Variants in LOC128125817 observed in about 807,000 individuals in gnomAD.
At chr1:41,591,870 A>G in the LOC128125817 span, among the ~76,000 whole-genome samples, 1 of 152,090 alleles carries the variant, frequency 6.6e-6, no homozygotes, top group Non-Finnish European at 1.5e-5. Flanking sequence ...TGACTCCCAG[A>G]GAAGAGGCAT....
the LOC128125817 span, among the ~76,000 whole-genome samples, chr1:41,590,299 T>C: frequency 5.8e-4 from 88 of 152,218 alleles, no homozygotes; most frequent in Middle Eastern, 3.2e-3. Flanking sequence ...ATTTCTTCCA[T>C]TAGCCAGTTC....
At chr1:41,624,759 C>T in the LOC128125817 span, among the ~76,000 whole-genome samples, 5 of 152,174 alleles carry the variant, frequency 3.3e-5, no homozygotes, top group Non-Finnish European at 2.9e-5. Flanking sequence ...AACCAGAATT[C>T]CCTTCTACTC....
At chr1:41,628,277 A>G in the LOC128125817 span, among the ~76,000 whole-genome samples, 8 of 152,152 alleles carry the variant, frequency 5.3e-5, no homozygotes, top group Non-Finnish European at 1.0e-4. Context: ...ACCTGCTGCT[A>G]TGTCTCTAAC....
At chr1:41,613,127 A>G in the LOC128125817 span, among the ~76,000 whole-genome samples, 1 of 152,230 alleles carries the variant, frequency 6.6e-6, no homozygotes, top group Non-Finnish European at 1.5e-5. Context: ...CACTGCCTGC[A>G]GGGACACTCC....
chr1:41,627,793 A>G, the LOC128125817 span, among the ~76,000 whole-genome samples: 8 of 152,288 alleles, frequency 5.3e-5, no homozygotes, highest in East Asian at 1.5e-3. Context: ...TGGCTGCATC[A>G]GAATCAATGT....
At chr1:41,617,509 C>T in the LOC128125817 span, among the ~76,000 whole-genome samples, 2 of 152,220 alleles carry the variant, frequency 1.3e-5, no homozygotes, top group Non-Finnish European at 2.9e-5. Flanking sequence ...TTCAAAAGTT[C>T]CTCTGACAAG....
the LOC128125817 span, among the ~76,000 whole-genome samples, chr1:41,620,950 C>T: frequency 1.1e-3 from 170 of 152,318 alleles, no homozygotes; most frequent in South Asian, 6.8e-3. Flanking sequence ...CCACCCGAGG[C>T]CCTGAGATTG....
At chr1:41,598,070 T>G in the LOC128125817 span, among the ~76,000 whole-genome samples, 1 of 152,216 alleles carries the variant, frequency 6.6e-6, no homozygotes, top group South Asian at 2.1e-4. Flanking sequence ...TAACTCAACC[T>G]GTTTATCTTA....
At chr1:41,627,260 A>G in the LOC128125817 span, among the ~76,000 whole-genome samples, 1 of 152,206 alleles carries the variant, frequency 6.6e-6, no homozygotes, top group Non-Finnish European at 1.5e-5. Context: ...CAACCCTGCG[A>G]GGCAGGTATC....
chr1:41,613,073 A>T, the LOC128125817 span, among the ~76,000 whole-genome samples: 2 of 152,332 alleles, frequency 1.3e-5, no homozygotes, highest in South Asian at 4.1e-4. Flanking sequence ...GGAGCAGTGG[A>T]GGACAGCCAG....
chr1:41,624,775 C>A, the LOC128125817 span, among the ~76,000 whole-genome samples: 53 of 152,190 alleles, frequency 3.5e-4, 1 homozygote, highest in Admixed American at 3.5e-3. Flanking sequence ...TACTCCTCCC[C>A]AAATGCCCAG....
the LOC128125817 span, among the ~76,000 whole-genome samples, chr1:41,621,304 T>C: frequency 2.0e-5 from 3 of 152,256 alleles, no homozygotes; most frequent in Non-Finnish European, 4.4e-5. Flanking sequence ...AATTCTGTTA[T>C]GGGAGGGTAT....
At chr1:41,592,825 T>G in the LOC128125817 span, among the ~76,000 whole-genome samples, 1 of 152,214 alleles carries the variant, frequency 6.6e-6, no homozygotes, top group Non-Finnish European at 1.5e-5. Flanking sequence ...CTACCAGCAA[T>G]CAGGGGGTTC....
the LOC128125817 span, among the ~76,000 whole-genome samples, chr1:41,601,550 TTG>T: frequency 6.6e-6 from 1 of 152,112 alleles, no homozygotes. Flanking sequence ...TTCAGCTAGT[TTG>T]TTGTTAGTGT....
the LOC128125817 span, chr1:41,585,332 GTACACACACACAGAAA>G: frequency 2.5e-6 from 1 of 398,972 alleles, no homozygotes; most frequent in Non-Finnish European, 4.4e-6. Context: ...TGTGATAGAT[GTACACACACACAGAAA>G]TACACACACA....
chr1:41,601,885 A>T, the LOC128125817 span, among the ~76,000 whole-genome samples: 1 of 152,182 alleles, frequency 6.6e-6, no homozygotes, highest in African/African-American at 2.4e-5. Flanking sequence ...AGCTTGTTAT[A>T]TATGGCTTTT....
the LOC128125817 span, among the ~76,000 whole-genome samples, chr1:41,627,438 G>A: frequency 9.2e-5 from 14 of 152,290 alleles, no homozygotes; most frequent in South Asian, 1.5e-3. Flanking sequence ...TTAAAATGAG[G>A]CTCCAATGCC....
At chr1:41,613,138 C>G in the LOC128125817 span, among the ~76,000 whole-genome samples, 1 of 152,268 alleles carries the variant, frequency 6.6e-6, no homozygotes, top group Non-Finnish European at 1.5e-5. Context: ...GGGACACTCC[C>G]TCCATTCCCA....
At chr1:41,589,712 TG>T in the LOC128125817 span, among the ~76,000 whole-genome samples, 2 of 152,126 alleles carry the variant, frequency 1.3e-5, no homozygotes, top group Admixed American at 6.5e-5. Flanking sequence ...TAGATAAGGC[TG>T]GGGCAAGATA....
Sources: gnomAD v4.1 joint callset for allele counts (sites outside exome capture counted in the v4.1 genomes callset) on GRCh38, gnomAD v4.1.1 for gene constraint, MANE v1.5 for transcripts.